Variants in EYS observed in about 807,000 individuals in gnomAD.
EYS encodes EGF-like photoreceptor maintenance factor.
EYS carries 250 observed loss-of-function variants against 282.1 expected under a neutral mutation model. The ratio of observed to expected loss-of-function variants is 0.89; its 90% CI spans 0.80 to 0.98. The LOEUF (loss-of-function observed/expected upper bound fraction) is 0.98, where lower values mean the gene tolerates loss of function less well. Among genes scored for constraint, EYS ranks in the 50% least tolerant of loss-of-function variants. EYS has a pLI of 0.00. For synonymous variants in EYS, 1,355 were observed against 1,282.9 expected (o/e 1.06, Z -1.20); for missense variants, 4,016 against 3,709.0 (o/e 1.08, Z -2.15).
chr6:65,674,769 G>A (rs1768518304), intron 1 of EYS, among the ~76,000 whole-genome samples: 1 of 151,590 alleles, frequency 6.6e-6, no homozygotes, highest in Non-Finnish European at 1.5e-5. Context: ...ATGCTAGATA[G>A]CAACAAAAAA....
chr6:65,203,670 G>A (rs1178097746), intron 12 of EYS, among the ~76,000 whole-genome samples: 7 of 151,954 alleles, frequency 4.6e-5, no homozygotes, highest in East Asian at 1.9e-4. Flanking sequence ...ACAAAATAAC[G>A]GATATTATGA....
At chr6:64,509,345 G>GA (rs1777311710) in intron 26 of EYS, among the ~76,000 whole-genome samples, 1 of 152,082 alleles carries the variant, frequency 6.6e-6, no homozygotes, top group East Asian at 1.9e-4. Flanking sequence ...ATGATCTCTT[G>GA]ATATGTAGTC....
chr6:64,902,291 A>G (rs1304657984), intron 17 of EYS, 71 bp from the exon 18 acceptor site: 82 of 1,342,732 alleles, frequency 6.1e-5, no homozygotes, highest in Non-Finnish European at 8.3e-5. Context: ...TAATTGTAGC[A>G]TGGCAAGTTT....
At chr6:64,519,881 G>A (rs1212317860) in intron 26 of EYS, among the ~76,000 whole-genome samples, 2 of 151,790 alleles carry the variant, frequency 1.3e-5, no homozygotes, top group East Asian at 1.9e-4. Context: ...TTATAAAAGG[G>A]TGGATAAATG....
intron 41 of EYS, among the ~76,000 whole-genome samples, chr6:63,737,040 C>A (rs903895062): frequency 6.6e-6 from 1 of 151,416 alleles, no homozygotes; most frequent in Non-Finnish European, 1.5e-5. Flanking sequence ...CAAACAGGGA[C>A]AATTTGACTT....
intron 1 of EYS, among the ~76,000 whole-genome samples, chr6:65,702,415 G>A (rs1260717408): frequency 6.6e-6 from 1 of 152,192 alleles, no homozygotes; most frequent in Non-Finnish European, 1.5e-5. Flanking sequence ...AGGTGGCCAG[G>A]TGCGGTGGCT....
intron 11 of EYS, among the ~76,000 whole-genome samples, 183 bp from the exon 12 acceptor site, chr6:65,296,302 GT>G (rs2150286563): frequency 6.6e-6 from 1 of 152,004 alleles, no homozygotes; most frequent in South Asian, 2.1e-4. Context: ...TTTGATTACT[GT>G]GCAGAATTAT....
At chr6:63,766,030 A>G in intron 40 of EYS, among the ~76,000 whole-genome samples, 1 of 152,084 alleles carries the variant, frequency 6.6e-6, no homozygotes, top group Admixed American at 6.6e-5. Flanking sequence ...ATAGTGTAAC[A>G]ATAAGCTCTC....
chr6:64,175,101 T>C (rs997438799), intron 31 of EYS, among the ~76,000 whole-genome samples: 4 of 152,278 alleles, frequency 2.6e-5, no homozygotes, highest in Middle Eastern at 3.4e-3. Flanking sequence ...TTTGCATTTA[T>C]GTTTTCTTGT....
rs541686844 is a variant in EYS, at chr6:65,338,941, T to C, written c.1600-3795A>G. On this transcript the variant is annotated intron_variant, in intron 10 of 42. Coordinates refer to ENST00000503581, the MANE Select transcript of EYS (RefSeq NM_001142800.2). ...ACAACTCTAGTTAAATAATGCCAGC[T>C]ATCATTTCAGGGAATATCGTGTAAT... 7.3e-5 allele frequency among the ~76,000 whole-genome samples: 11 copies of C among 151,344 alleles called. No homozygotes were observed. In the East Asian group the frequency reaches 2.1e-3, roughly 29 times the overall value.
intron 33 of EYS, among the ~76,000 whole-genome samples, chr6:64,055,157 T>G (rs561349691): frequency 6.6e-6 from 1 of 152,246 alleles, no homozygotes; most frequent in Non-Finnish European, 1.5e-5. Flanking sequence ...AGCAAGAACC[T>G]TCAAAGACAT....
intron 5 of EYS, among the ~76,000 whole-genome samples, chr6:65,469,473 C>A (rs953582830): frequency 6.6e-6 from 1 of 151,794 alleles, no homozygotes; most frequent in African/African-American, 2.4e-5. Context: ...TTCATATATT[C>A]TTTTATCAAA....
intron 31 of EYS, among the ~76,000 whole-genome samples, chr6:64,084,610 T>C (rs1041816321): frequency 2.6e-5 from 4 of 152,184 alleles, no homozygotes; most frequent in Non-Finnish European, 4.4e-5. Flanking sequence ...GGTGGACAGA[T>C]GGGCTGCTGT....
chr6:63,845,043 G>T (rs528231369), intron 36 of EYS, among the ~76,000 whole-genome samples: 6 of 152,152 alleles, frequency 3.9e-5, no homozygotes, highest in African/African-American at 9.7e-5. Context: ...TGTATAAGGT[G>T]TAAGGAAAGG....
At chr6:63,802,521 T>G (rs1427470764) in intron 37 of EYS, among the ~76,000 whole-genome samples, 1 of 152,014 alleles carries the variant, frequency 6.6e-6, no homozygotes, top group Non-Finnish European at 1.5e-5. Flanking sequence ...TTGATAAAAT[T>G]TTATTTTATT....
chr6:64,435,287 T>C (rs1774705191), intron 28 of EYS, among the ~76,000 whole-genome samples: 1 of 151,962 alleles, frequency 6.6e-6, no homozygotes, highest in Non-Finnish European at 1.5e-5. Context: ...TCAATTTATT[T>C]GATGATACAT....
chr6:63,728,788 A>G (rs1271699028), intron 41 of EYS, among the ~76,000 whole-genome samples: 1 of 152,130 alleles, frequency 6.6e-6, no homozygotes, highest in Non-Finnish European at 1.5e-5. Context: ...CTTTTCCAGT[A>G]TATCATATAG....
intron 22 of EYS, among the ~76,000 whole-genome samples, chr6:64,627,941 G>A (rs1042905269): frequency 6.6e-6 from 1 of 152,134 alleles, no homozygotes; most frequent in African/African-American, 2.4e-5. Context: ...TTAGCCGGGC[G>A]TGGTGGCGGG....
chr6:64,318,020 G>A (rs573158926), intron 29 of EYS, among the ~76,000 whole-genome samples: 12 of 151,372 alleles, frequency 7.9e-5, no homozygotes, highest in South Asian at 2.1e-4. Context: ...ACACACCAGG[G>A]CTTGTCAGGG....
Sources: gnomAD v4.1 joint callset for allele counts (sites outside exome capture counted in the v4.1 genomes callset) on GRCh38, gnomAD v4.1.1 for gene constraint, MANE v1.5 for transcripts, NCBI Gene and HGNC (gene_info 2026-07-23, HGNC 2026-07-21) for gene names.